RBFOX1: variants seen among roughly 807,000 people sequenced by gnomAD.
RBFOX1 encodes the protein RNA binding protein fox-1 homolog 1.
A neutral mutation model predicts 57.7 loss-of-function variants in RBFOX1; 8 were observed. The observed-to-expected ratio is 0.14, with a 90% CI of 0.08 to 0.25. The LOEUF is 0.25. RBFOX1 is among the 10% of genes least tolerant of loss of function. The pLI, the probability that RBFOX1 is intolerant of heterozygous loss-of-function variation, is 1.00. For missense variants in RBFOX1, 611 were observed against 548.5 expected, an observed-to-expected ratio of 1.11 and a Z score of -1.14; for synonymous variants, 326 against 222.4, an observed-to-expected ratio of 1.47 and a Z score of -4.15.
chr16:6,060,163 A>G (rs1336904174), intron 1 of RBFOX1, among the ~76,000 whole-genome samples: 1 of 95,904 alleles, frequency 1.0e-5, no homozygotes, highest in Non-Finnish European at 2.1e-5. Context: ...TTTTTTACGT[A>G]TAACAAGAAT....
intron 2 of RBFOX1, among the ~76,000 whole-genome samples, chr16:6,552,977 A>G (rs2097020434): frequency 6.6e-6 from 1 of 152,168 alleles, no homozygotes; most frequent in African/African-American, 2.4e-5. Context: ...AAGTATCTAA[A>G]GAAAAAGCAT....
chr16:7,165,305 A>T (rs533571097), intron 4 of RBFOX1, among the ~76,000 whole-genome samples: 1 of 151,628 alleles, frequency 6.6e-6, no homozygotes, highest in South Asian at 2.1e-4. Context: ...CTCACAAGCC[A>T]TGCACCCTGG....
chr16:7,502,486 G>C (rs114890473), intron 4 of RBFOX1, among the ~76,000 whole-genome samples: 1 of 152,142 alleles, frequency 6.6e-6, no homozygotes, highest in East Asian at 1.9e-4. Context: ...AAGCCATTGG[G>C]TTGTTTAGAC....
At chr16:7,074,558 A>G (rs2057960100) in intron 4 of RBFOX1, among the ~76,000 whole-genome samples, 1 of 152,080 alleles carries the variant, frequency 6.6e-6, no homozygotes, top group African/African-American at 2.4e-5. Context: ...AAAAAAATTG[A>G]AAAAAGCCTC....
chr16:6,099,349 G>A (rs996726319), intron 1 of RBFOX1, among the ~76,000 whole-genome samples: 4 of 152,152 alleles, frequency 2.6e-5, no homozygotes, highest in African/African-American at 4.8e-5. Context: ...AAACTACACC[G>A]AAATTGACAT....
chr16:6,517,311 A>G (rs923915836), intron 2 of RBFOX1, among the ~76,000 whole-genome samples: 2 of 151,786 alleles, frequency 1.3e-5, no homozygotes, highest in Admixed American at 1.3e-4. Context: ...TTCTCCCTTC[A>G]CCTTTAGTAT....
chr16:5,314,615 C>G lies in RBFOX1; in HGVS notation c.219+74510C>G, dbSNP rs1266153908. ...TCCTGGGCTGAAGTGATCCTCCTTT[C>G]TCAGCCTCCCTAGTAGCTGGGACTA... On this transcript the variant is annotated intron_variant, in intron 1 of 2. Coordinates refer to the RBFOX1 transcript ENST00000585867. Among the ~76,000 whole-genome samples the G allele has an allele frequency of 4.6e-5, 7 of 152,292 alleles. No individual in the cohort carries two copies. The East Asian group carries it at 9.7e-4, about 21-fold the overall frequency.
At chr16:6,994,508 A>C (rs1433317923) in intron 3 of RBFOX1, among the ~76,000 whole-genome samples, 1 of 152,196 alleles carries the variant, frequency 6.6e-6, no homozygotes, top group Non-Finnish European at 1.5e-5. Flanking sequence ...GTAAACAACA[A>C]GTGACCGATT....
At chr16:7,413,605 T>G (rs1312319947) in intron 4 of RBFOX1, among the ~76,000 whole-genome samples, 1 of 152,036 alleles carries the variant, frequency 6.6e-6, no homozygotes, top group Non-Finnish European at 1.5e-5. Context: ...GCCCCCTGCC[T>G]GCCCCTTTGC....
intron 1 of RBFOX1, among the ~76,000 whole-genome samples, chr16:6,264,087 G>C (rs1234888414): frequency 1.3e-5 from 2 of 152,140 alleles, no homozygotes; most frequent in African/African-American, 4.8e-5. Context: ...TACTTTCATA[G>C]AGTCTCAAAA....
chr16:7,112,993 C>A (rs1567306059), intron 4 of RBFOX1, among the ~76,000 whole-genome samples: 1 of 152,132 alleles, frequency 6.6e-6, no homozygotes, highest in African/African-American at 2.4e-5. Flanking sequence ...GTTGGTTGTT[C>A]TTACATGAAT....
intron 4 of RBFOX1, among the ~76,000 whole-genome samples, chr16:7,498,925 A>G (rs35898873): frequency 0.029 from 4,416 of 152,276 alleles, 221 homozygotes; most frequent in African/African-American, 0.1. Flanking sequence ...GATTAAGAGG[A>G]TAAGGTGTCA....
At chr16:5,239,980 G>C (rs1413752645) in exon 1 of RBFOX1, 4 of 1,530,096 alleles carry the variant, frequency 2.6e-6, no homozygotes, top group East Asian at 4.9e-5. Flanking sequence ...CCCTCCCGAA[G>C]AGAAGAGGCT....
chr16:6,196,923 G>C (rs955607447), intron 1 of RBFOX1, among the ~76,000 whole-genome samples: 3 of 152,104 alleles, frequency 2.0e-5, no homozygotes, highest in African/African-American at 7.2e-5. Context: ...AGTAGCTGAA[G>C]TTGTGTAACA....
At chr16:7,309,541 T>C (rs752451298) in intron 4 of RBFOX1, among the ~76,000 whole-genome samples, 24 of 152,202 alleles carry the variant, frequency 1.6e-4, no homozygotes, top group Admixed American at 2.6e-4. Context: ...GTCTGTGTTA[T>C]TAGTGCTCAC....
At chr16:6,896,021 C>T (rs532557603) in intron 3 of RBFOX1, among the ~76,000 whole-genome samples, 1 of 152,008 alleles carries the variant, frequency 6.6e-6, no homozygotes, top group South Asian at 2.1e-4. Flanking sequence ...AATGGGATAT[C>T]CATTGGGTTG....
At chr16:5,807,356 C>T (rs1361876867) in intron 3 of RBFOX1, among the ~76,000 whole-genome samples, 1 of 152,130 alleles carries the variant, frequency 6.6e-6, no homozygotes, top group African/African-American at 2.4e-5. Context: ...GTGGCATCTT[C>T]AGGATGCCAC....
intron 1 of RBFOX1, among the ~76,000 whole-genome samples, chr16:5,259,156 C>T (rs190104457): frequency 6.6e-6 from 1 of 151,266 alleles, no homozygotes; most frequent in East Asian, 1.9e-4. Context: ...ATGCCTGGGA[C>T]AGTAATGAAT....
At chr16:6,907,536 A>G (rs896537947) in intron 3 of RBFOX1, among the ~76,000 whole-genome samples, 8 of 151,998 alleles carry the variant, frequency 5.3e-5, no homozygotes, top group African/African-American at 1.9e-4. Flanking sequence ...AATCGGTCCT[A>G]TGCCTCTCTC....
Sources: allele counts gnomAD v4.1 joint callset (sites outside exome capture counted in the v4.1 genomes callset), GRCh38; gene constraint gnomAD v4.1.1; transcripts MANE v1.5; gene names NCBI Gene and HGNC (gene_info 2026-07-23, HGNC 2026-07-21).